Variants in IL2RB observed in about 807,000 individuals in gnomAD.
The protein encoded by IL2RB is interleukin 2 receptor subunit beta.
Under a neutral mutation model 44.2 loss-of-function variants are expected in IL2RB, and 17 were observed. The observed-to-expected ratio is 0.38, with a 90% CI of 0.26 to 0.58. The LOEUF is 0.58. Among genes scored for constraint, IL2RB ranks in the 20% least tolerant of loss-of-function variants. The pLI is 0.63. For synonymous variants in IL2RB, 286 were observed against 297.9 expected (o/e 0.96, Z 0.41); for missense variants, 624 against 685.5 (o/e 0.91, Z 1.00).
chr22:37,165,668 G>A (rs1292048166), intron 1 of IL2RB, among the ~76,000 whole-genome samples: 1 of 151,726 alleles, frequency 6.6e-6, no homozygotes, highest in Non-Finnish European at 1.5e-5. Flanking sequence ...TGGAGAAGAG[G>A]GCTTTTTTTA....
intron 1 of IL2RB, among the ~76,000 whole-genome samples, chr22:37,149,195 C>CATGCAG: frequency 6.6e-6 from 1 of 152,292 alleles, no homozygotes; most frequent in African/African-American, 2.4e-5. Context: ...AGGGTCCCAT[C>CATGCAG]CCCAATGTCC....
rs1216631401 is a variant in IL2RB at position 37,143,501 on chromosome 22, A to C, written c.203+20T>G. ...AGATCCCACCATCCTAAGATTCTGC[A>C]GTGTGGCCAGTGGACTCACCGTCTG... On this transcript the variant is annotated intron_variant, in intron 3 of 9. Coordinates refer to ENST00000216223, the MANE Select transcript of IL2RB (RefSeq NM_000878.5). 6.8e-7 allele frequency: 1 copy of C among 1,473,264 alleles called. No homozygotes were observed. The highest frequency in any genetic ancestry group is 1.4e-5 in the African/African-American group (1 of 72,110). The allele number at this position is 1,473,264 out of a possible 1,614,324, so 91.3% of individuals were successfully genotyped here. A position where few individuals can be genotyped will look rare whatever the true frequency, so the allele number is the denominator to read the frequency against.
chr22:37,171,600 C>T (rs768482289), intron 1 of IL2RB, among the ~76,000 whole-genome samples: 11 of 152,252 alleles, frequency 7.2e-5, no homozygotes, highest in South Asian at 2.1e-4. Flanking sequence ...AGGAGGGAGC[C>T]AGGCAGAACT....
At chr22:37,152,963 C>T (rs1313175712), upstream of IL2RB, among the ~76,000 whole-genome samples, 1 of 111,004 alleles carries the variant, frequency 9.0e-6, no homozygotes. Context: ...GAGACATAGT[C>T]TAGCTCTGTC....
intron 1 of IL2RB, among the ~76,000 whole-genome samples, chr22:37,164,870 T>C (rs558118812): frequency 6.6e-6 from 1 of 152,192 alleles, no homozygotes; most frequent in Non-Finnish European, 1.5e-5. Flanking sequence ...CTATTCTAAG[T>C]ACACATGTTG....
At chr22:37,137,859 G>A (rs1921786939) in intron 5 of IL2RB, 124 bp from the exon 6 acceptor site, 1 of 807,208 alleles carries the variant, frequency 1.2e-6, no homozygotes, top group South Asian at 1.7e-5. Flanking sequence ...AAAGCCCCAG[G>A]ACCCGCTCCC....
intron 1 of IL2RB, among the ~76,000 whole-genome samples, chr22:37,169,743 G>C (rs1923211525): frequency 6.6e-6 from 1 of 152,078 alleles, no homozygotes; most frequent in South Asian, 2.1e-4. Flanking sequence ...TCAGGCCCCG[G>C]GTTCACATCC....
intron 1 of IL2RB, among the ~76,000 whole-genome samples, chr22:37,156,859 C>A (rs1288507209): frequency 1.3e-5 from 2 of 152,174 alleles, no homozygotes; most frequent in Admixed American, 1.3e-4. Context: ...CCCTTCCTGC[C>A]CTCCCTGGCT....
chr22:37,132,515 C>T (rs1487132030), intron 8 of IL2RB, 47 bp from the exon 9 acceptor site: 3 of 1,458,416 alleles, frequency 2.1e-6, no homozygotes, highest in Non-Finnish European at 2.9e-6. Flanking sequence ...AAGGGAAGGA[C>T]CGCGGTGTTA....
At chr22:37,170,677 G>A (rs1258953533) in intron 1 of IL2RB, among the ~76,000 whole-genome samples, 2 of 152,166 alleles carry the variant, frequency 1.3e-5, no homozygotes, top group Admixed American at 6.5e-5. Flanking sequence ...ACTGCTTGAC[G>A]TGGCTCATGG....
Position 37,143,904 on chromosome 22 carries a change from T to C in IL2RB, c.88+181A>G, listed in dbSNP as rs228969. Among the ~76,000 whole-genome samples the C allele has an allele frequency of 5.8e-3, 761 of 130,864 alleles. 7 individuals carry two copies. The highest frequency in any genetic ancestry group is 0.025 in the African/African-American group (736 of 29,298). The allele number at this position is 130,864 out of a possible 152,430, so 85.9% of individuals were successfully genotyped here. On this transcript the variant is annotated intron_variant, in intron 2 of 9. Transcript: ENST00000216223. ...AGAGGCGTGTGTGTGTGTGTGTGTG[T>C]GTGTGTGTGTGTGTGCGCGCATTCA...
chr22:37,127,721 A>C lies in IL2RB; in HGVS notation c.*375T>G. ...AGGAGGAGGCTGGGGCAGAAAACCC[A>C]GGGAAGAGGTCAGGGCAGGGAGCCC... On this transcript the variant is annotated 3_prime_UTR_variant, in exon 10 of 10. Transcript: ENST00000216223. 2 of 164,494 alleles carry C rather than the reference A, an allele frequency of 1.2e-5. No homozygotes were observed. Among genetic ancestry groups the C allele is most frequent in the Admixed American group, 6.4e-5 (1 of 15,644 alleles). The allele number at this position is 164,494 out of a possible 1,614,324, so 10.2% of individuals were successfully genotyped here. A position where few individuals can be genotyped will look rare whatever the true frequency, so the allele number is the denominator to read the frequency against.
At chr22:37,142,370 G>C (rs998335318) in intron 4 of IL2RB, 64 bp downstream of exon 4, 1 of 1,472,720 alleles carries the variant, frequency 6.8e-7, no homozygotes, top group Middle Eastern at 1.8e-4. Context: ...CCCACCCTGA[G>C]ATCGCAGCCC....
intron 1 of IL2RB, among the ~76,000 whole-genome samples, chr22:37,146,004 C>G (rs3218263): frequency 0.019 from 2,895 of 152,262 alleles, 97 homozygotes; most frequent in African/African-American, 0.066. Flanking sequence ...GACCCCCTCA[C>G]AGGGGATGCT....
upstream of IL2RB, among the ~76,000 whole-genome samples, chr22:37,154,896 CT>C (rs1162545405): frequency 1.3e-5 from 2 of 152,294 alleles, no homozygotes; most frequent in East Asian, 3.9e-4. Flanking sequence ...CTTTCTCTCT[CT>C]CCCCTCCCCT....
chr22:37,157,655 C>T (rs957555706), intron 1 of IL2RB, among the ~76,000 whole-genome samples: 1 of 152,184 alleles, frequency 6.6e-6, no homozygotes, highest in Admixed American at 6.5e-5. Context: ...ATCAGCTCCC[C>T]GATTTAAAAC....
Position 37,149,814 on chromosome 22 carries a change from G to A in IL2RB, c.-34+11C>T. On this transcript the variant is annotated intron_variant, in intron 1 of 9. Coordinates refer to ENST00000216223, the MANE Select transcript of IL2RB (RefSeq NM_000878.5). ...TCCACAGGGGCCGGGAGGGAGGCAG[G>A]GGGACATCACCTGGCTGAGACATGG... is the stretch of plus-strand genomic sequence containing the variant. 1 of 983,952 alleles carries A rather than the reference G, an allele frequency of 1.0e-6. No homozygotes were observed. The highest frequency in any genetic ancestry group is 1.2e-6 in the Non-Finnish European group (1 of 828,596). 61.0% of individuals were successfully genotyped at this position (983,952 alleles called of 1,614,324 possible).
intron 2 of IL2RB, 71 bp from the exon 3 acceptor site, chr22:37,143,706 C>A (rs1405811311): frequency 1.8e-6 from 2 of 1,091,150 alleles, no homozygotes; most frequent in Admixed American, 3.5e-5. Context: ...GCCCACTGCC[C>A]CTGCACCTGG....
chr22:37,137,488 T>G, intron 6 of IL2RB, 99 bp downstream of exon 6: 1 of 1,304,768 alleles, frequency 7.7e-7, no homozygotes, highest in Non-Finnish European at 1.1e-6. Context: ...ACCATCCACC[T>G]GGGGCTGAGG....
Sources: allele counts gnomAD v4.1 joint callset (sites outside exome capture counted in the v4.1 genomes callset), GRCh38; gene constraint gnomAD v4.1.1; transcripts MANE v1.5; gene names NCBI Gene and HGNC (gene_info 2026-07-23, HGNC 2026-07-21).